The following FOXP1 variants were observed in gnomAD, a reference collection of about 807,000 sequenced individuals.
The protein encoded by FOXP1 is forkhead box protein P1.
A neutral mutation model predicts 98.2 loss-of-function variants in FOXP1; 15 were observed. The ratio of observed to expected loss-of-function variants is 0.15; its 90% confidence interval spans 0.10 to 0.24. FOXP1 has a LOEUF of 0.24. FOXP1 is among the 10% of genes least tolerant of loss of function. The pLI, the probability that FOXP1 is intolerant of heterozygous loss-of-function variation, is 1.00. For synonymous variants in FOXP1, 371 were observed against 314.5 expected, an observed-to-expected ratio of 1.18 and a Z score of -1.90; for missense variants, 633 against 848.5, an observed-to-expected ratio of 0.75 and a Z score of 3.15.
At chr3:71,197,991 C>T (rs2063396841) in intron 6 of FOXP1, 1 of 1,614,242 alleles carries the variant, frequency 6.2e-7, no homozygotes. Flanking sequence ...GCAGGACTTC[C>T]AACTCCCAAG....
intron 9 of FOXP1, among the ~76,000 whole-genome samples, 172 bp downstream of exon 9, chr3:71,052,365 G>A (rs2050015296): frequency 6.6e-6 from 1 of 152,070 alleles, no homozygotes; most frequent in Non-Finnish European, 1.5e-5. Flanking sequence ...GCAAGCAAAT[G>A]GAACCCAGAA....
intron 7 of FOXP1, among the ~76,000 whole-genome samples, chr3:71,109,377 G>C (rs1559946174): frequency 6.6e-6 from 1 of 151,604 alleles, no homozygotes. Flanking sequence ...AAGCAGGGAA[G>C]TGTGAGATAT....
intron 7 of FOXP1, among the ~76,000 whole-genome samples, chr3:71,089,573 T>C (rs1176445807): frequency 6.6e-6 from 1 of 152,194 alleles, no homozygotes; most frequent in Admixed American, 6.5e-5. Flanking sequence ...GGCAGTTGCA[T>C]GTCATCTGGC....
chr3:70,978,207 A>G lies in FOXP1; in HGVS notation c.1147-178T>C, dbSNP rs80326919. ...TCCTGCGTGAATTCACTTAGGATGC[A>G]GTGTAAGATATCTCTGGCAGCGGTC... is the stretch of plus-strand genomic sequence containing the variant. On this transcript the variant is annotated intron_variant, in intron 14 of 20. Coordinates refer to ENST00000649528, the MANE Select transcript of FOXP1 (RefSeq NM_001349338.3). Among the ~76,000 whole-genome samples the G allele has an allele frequency of 1.3e-3, 195 of 152,322 alleles. 5 individuals are homozygous for G. In the East Asian group the frequency reaches 0.032, roughly 25 times the overall value.
At chr3:71,197,869 G>A (rs1320894971) in intron 6 of FOXP1, 3 of 1,612,994 alleles carry the variant, frequency 1.9e-6, no homozygotes, top group African/African-American at 2.7e-5. Flanking sequence ...TTGCATGAAA[G>A]CAGTGGGAAC....
chr3:71,151,461 C>T (rs1173654880), intron 6 of FOXP1, among the ~76,000 whole-genome samples: 1 of 152,070 alleles, frequency 6.6e-6, no homozygotes, highest in Non-Finnish European at 1.5e-5. Flanking sequence ...TGCCTGCCTG[C>T]CCAAAGACCA....
At chr3:71,386,572 C>T (rs144033871) in intron 3 of FOXP1, among the ~76,000 whole-genome samples, 1,997 of 152,100 alleles carry the variant, frequency 0.013, 50 homozygotes, top group African/African-American at 0.045. Context: ...GAAACCCCGT[C>T]TCTACTAAAA....
intron 7 of FOXP1, among the ~76,000 whole-genome samples, chr3:71,101,482 T>G (rs1285098914): frequency 1.3e-5 from 2 of 152,034 alleles, no homozygotes; most frequent in East Asian, 3.9e-4. Context: ...CAGGGGGTAC[T>G]GATTTGAAGA....
At chr3:71,009,532 T>C (rs146313499) in intron 12 of FOXP1, among the ~76,000 whole-genome samples, 1 of 152,258 alleles carries the variant, frequency 6.6e-6, no homozygotes, top group East Asian at 1.9e-4. Context: ...GGTTTCTGAT[T>C]AAAACATTCT....
At chr3:71,258,654 T>G (rs2068838698) in intron 5 of FOXP1, among the ~76,000 whole-genome samples, 1 of 152,112 alleles carries the variant, frequency 6.6e-6, no homozygotes, top group Non-Finnish European at 1.5e-5. Flanking sequence ...CAGGAGAGAC[T>G]TCAGAGGTCA....
intron 6 of FOXP1, among the ~76,000 whole-genome samples, chr3:71,113,283 T>C (rs2058087896): frequency 6.6e-6 from 1 of 152,174 alleles, no homozygotes; most frequent in Non-Finnish European, 1.5e-5. Flanking sequence ...CAAAACTGGT[T>C]ACGTTTATTA....
intron 2 of FOXP1, among the ~76,000 whole-genome samples, chr3:71,497,848 A>G (rs1560568378): frequency 6.6e-6 from 1 of 152,168 alleles, no homozygotes; most frequent in Non-Finnish European, 1.5e-5. Flanking sequence ...CCCTGCCTCA[A>G]CCCTGCTAAT....
At chr3:71,062,526 A>G (rs2051671777) in intron 7 of FOXP1, among the ~76,000 whole-genome samples, 1 of 152,244 alleles carries the variant, frequency 6.6e-6, no homozygotes, top group Non-Finnish European at 1.5e-5. Flanking sequence ...CAGAAAATGC[A>G]CTTGACATTA....
intron 4 of FOXP1, among the ~76,000 whole-genome samples, chr3:71,335,731 G>A (rs1196163301): frequency 2.0e-5 from 3 of 152,074 alleles, no homozygotes; most frequent in Admixed American, 6.5e-5. Flanking sequence ...GTGGCCAGGC[G>A]TGGTGGCTCA....
At chr3:71,041,279 C>T in intron 11 of FOXP1, 49 bp downstream of exon 11, 1 of 1,517,756 alleles carries the variant, frequency 6.6e-7, no homozygotes, top group Non-Finnish European at 9.1e-7. Flanking sequence ...CCACCCACCC[C>T]TCTCATGTTA....
intron 1 of FOXP1, among the ~76,000 whole-genome samples, chr3:71,583,142 G>T (rs1412897357): frequency 6.6e-6 from 1 of 152,034 alleles, no homozygotes; most frequent in Non-Finnish European, 1.5e-5. Context: ...AGGCGGCCTG[G>T]GCTTATTGAT....
At chr3:71,178,753 A>C (rs1300955094) in intron 6 of FOXP1, among the ~76,000 whole-genome samples, 1 of 151,888 alleles carries the variant, frequency 6.6e-6, no homozygotes, top group Non-Finnish European at 1.5e-5. Flanking sequence ...GCAAGGTGGC[A>C]GGCGCCTGTA....
At chr3:71,310,040 C>T (rs1426843972) in intron 4 of FOXP1, among the ~76,000 whole-genome samples, 1 of 152,180 alleles carries the variant, frequency 6.6e-6, no homozygotes, top group Non-Finnish European at 1.5e-5. Context: ...ACCATTCTTG[C>T]AAGTCAGCAC....
chr3:71,208,037 A>G (rs2064176429), intron 5 of FOXP1, among the ~76,000 whole-genome samples: 1 of 152,258 alleles, frequency 6.6e-6, no homozygotes. Context: ...CCCAGTTAAA[A>G]TATCTTCATT....
Sources: allele counts gnomAD v4.1 joint callset (sites outside exome capture counted in the v4.1 genomes callset), GRCh38; gene constraint gnomAD v4.1.1; transcripts MANE v1.5; gene names NCBI Gene and HGNC (gene_info 2026-07-23, HGNC 2026-07-21).